ZNF611: variants seen among roughly 807,000 people sequenced by gnomAD.
ZNF611 encodes zinc finger protein 611.
In ZNF611, 6 loss-of-function variants were observed where a neutral mutation model predicts 8.9. The observed-to-expected ratio is 0.68, with a 90% CI of 0.37 to 1.34. The LOEUF (loss-of-function observed/expected upper bound fraction) is 1.34, where lower values mean the gene tolerates loss of function less well. ZNF611 is among the 40% of genes most tolerant of loss of function. The probability of loss-of-function intolerance (pLI) is 0.02; values close to 1 mark genes in which losing one functional copy is unlikely to be tolerated. For synonymous variants in ZNF611, 262 were observed against 279.7 expected, an observed-to-expected ratio of 0.94 and a Z score of 0.63; for missense variants, 874 against 841.3, an observed-to-expected ratio of 1.04 and a Z score of -0.48.
intron 3 of ZNF611, among the ~76,000 whole-genome samples, chr19:52,727,607 T>C (rs2062400804): frequency 6.6e-6 from 1 of 152,096 alleles, no homozygotes; most frequent in Admixed American, 6.5e-5. Flanking sequence ...AATTTTTCTG[T>C]ATTTTTAGTA....
chr19:52,726,341 TG>T lies in ZNF611; in HGVS notation c.-20+2388del, dbSNP rs570104714. On this transcript the variant is annotated intron_variant, in intron 3 of 5. Transcript: ENST00000652185. ...CTGAACCTGGGGGTCCAGGCCAGCC[TG>T]GGCGACAAAGTAACACCCCCTCCCG... is the stretch of plus-strand genomic sequence containing the variant. Among the ~76,000 whole-genome samples the T allele has an allele frequency of 2.8e-3, 426 of 152,344 alleles. 2 individuals carry two copies. The highest frequency in any genetic ancestry group is 9.8e-3 in the African/African-American group (406 of 41,590).
At chr19:52,720,171 T>C (rs1193988323) in intron 3 of ZNF611, among the ~76,000 whole-genome samples, 2 of 152,244 alleles carry the variant, frequency 1.3e-5, no homozygotes, top group African/African-American at 4.8e-5. Context: ...TCTACTTCTT[T>C]CTACACAGAC....
Position 52,705,092 on chromosome 19 carries a change from A to G in ZNF611, c.1963T>C (p.Cys655Arg). The G allele has an allele frequency of 6.2e-7, 1 of 1,614,190 alleles. No individual in the cohort carries two copies. Residue 655 changes from cysteine (C) to arginine (R), a missense_variant, in exon 6 of 6, where the codon TGT becomes CGT. Coordinates refer to ENST00000652185, the MANE Select transcript of ZNF611 (RefSeq NM_001161499.2). ...GAATTACGCACGAAAGCCTTGTCAC[A>G]AATTGTACATTTGTAAGATTTCTCT... Reference protein sequence around the residue: ...TGEKSYKCTICDKAFVRNSLL... With the variant: ...TGEKSYKCTIRDKAFVRNSLL...
chr19:52,711,467 G>T (rs2062279548), intron 5 of ZNF611, among the ~76,000 whole-genome samples: 1 of 152,156 alleles, frequency 6.6e-6, no homozygotes, highest in African/African-American at 2.4e-5. Flanking sequence ...GGTAAGTGAG[G>T]GACAAGACTT....
At chr19:52,709,187 A>G (rs145322084) in intron 5 of ZNF611, among the ~76,000 whole-genome samples, 2 of 152,138 alleles carry the variant, frequency 1.3e-5, no homozygotes, top group Non-Finnish European at 2.9e-5. Context: ...AGAGTTTTGT[A>G]ATGGGTGTTG....
Position 52,704,604 on chromosome 19 carries a change from G to T in ZNF611, c.*333C>A. 1 of 1,576,594 alleles carries T rather than the reference G, an allele frequency of 6.3e-7. No individual in the cohort carries two copies. Among genetic ancestry groups the T allele is most frequent in the South Asian group, 1.1e-5 (1 of 89,884 alleles). ...AAAATTTGCCACATTTATTACACTT[G>T]TAAGATCTCTCTTCATTATGGATTC... On this transcript the variant is annotated 3_prime_UTR_variant, in exon 6 of 6. Coordinates refer to ENST00000652185, the MANE Select transcript of ZNF611 (RefSeq NM_001161499.2).
At chr19:52,710,046 AT>A (rs1411090578) in intron 5 of ZNF611, among the ~76,000 whole-genome samples, 1 of 151,884 alleles carries the variant, frequency 6.6e-6, no homozygotes, top group Admixed American at 6.6e-5. Flanking sequence ...TGAGCAACAA[AT>A]TTCTATGTCT....
At position 52,715,916 on chromosome 19, in the gene ZNF611, G is replaced by A. The variant is rs751766900; in HGVS notation, c.-19-3C>T. ...ACATGAGTCTTTAGGAATCAATCCT[G>A]TATGTGAAAAAAAATGAGACTTCAT... On this transcript the variant is annotated splice_region_variant and splice_polypyrimidine_tract_variant and intron_variant, in intron 3 of 5. Coordinates refer to ENST00000652185, the MANE Select transcript of ZNF611 (RefSeq NM_001161499.2). 9.3e-6 allele frequency: 15 copies of A among 1,610,520 alleles called. No individual in the cohort carries two copies. Among genetic ancestry groups the A allele is most frequent in the Non-Finnish European group, 1.3e-5 (15 of 1,178,984 alleles).
intron 3 of ZNF611, among the ~76,000 whole-genome samples, chr19:52,727,978 C>T (rs2062403074): frequency 6.9e-6 from 1 of 145,364 alleles, no homozygotes; most frequent in Admixed American, 7.1e-5. Flanking sequence ...GGTGCAATCT[C>T]AGCTCACTGC....
chr19:52,716,627 C>T (rs2062319206), intron 3 of ZNF611, among the ~76,000 whole-genome samples: 1 of 152,038 alleles, frequency 6.6e-6, no homozygotes, highest in South Asian at 2.1e-4. Flanking sequence ...ATCTTGGGGC[C>T]CCAAATCACT....
intron 3 of ZNF611, among the ~76,000 whole-genome samples, chr19:52,720,587 C>T (rs9676674): frequency 0.074 from 3,543 of 48,068 alleles, 6 homozygotes; most frequent in African/African-American, 0.14. Flanking sequence ...ACTTCCCAGA[C>T]GGGGCAGCTG....
intron 3 of ZNF611, among the ~76,000 whole-genome samples, chr19:52,726,334 G>A (rs951668023): frequency 2.6e-5 from 4 of 152,064 alleles, no homozygotes; most frequent in African/African-American, 4.8e-5. Context: ...GGGGGTCCAG[G>A]CCAGCCTGGG....
At chr19:52,715,411 T>C (rs1334496241) in intron 4 of ZNF611, among the ~76,000 whole-genome samples, 2 of 152,232 alleles carry the variant, frequency 1.3e-5, no homozygotes, top group East Asian at 1.9e-4. Context: ...GCTGATACCA[T>C]GCCGGATACA....
At position 52,732,662 on chromosome 19, in the gene ZNF611, G is replaced by A. The variant is rs1229866390; in HGVS notation, c.-222+2339C>T. Among the ~76,000 whole-genome samples the A allele has an allele frequency of 3.3e-5, 5 of 151,522 alleles. No individual in the cohort carries two copies. The East Asian group carries it at 9.7e-4, about 29-fold the overall frequency. ...TTGAGGGCTAAGTAGGCCAGACACG[G>A]TGGCTCCTCCCTGTAATCCCACCCG... is the stretch of plus-strand genomic sequence containing the variant. On this transcript the variant is annotated intron_variant, in intron 1 of 5. Transcript: ENST00000652185.
chr19:52,731,959 A>C (rs1203772943), intron 1 of ZNF611, among the ~76,000 whole-genome samples: 1 of 150,586 alleles, frequency 6.6e-6, no homozygotes, highest in African/African-American at 2.4e-5. Flanking sequence ...CAACAAGAGC[A>C]AAATTCCCTC....
Position 52,734,754 on chromosome 19 carries a change from G to A in ZNF611, c.-222+247C>T, listed in dbSNP as rs1045496804. The stretch of plus-strand genomic sequence containing the variant: ...AGGAGTCAGAACAAGGTTTTCAGCA[G>A]GAAAACTACGCAACAGAAAGTGTAT... On this transcript the variant is annotated intron_variant, in intron 1 of 5. Transcript: ENST00000652185. Among the ~76,000 whole-genome samples the A allele has an allele frequency of 7.2e-5, 11 of 151,920 alleles. No homozygotes were observed. In the East Asian group the frequency reaches 2.2e-3, roughly 30 times the overall value.
chr19:52,714,878 C>T (rs367941975), intron 4 of ZNF611, among the ~76,000 whole-genome samples: 2 of 149,024 alleles, frequency 1.3e-5, no homozygotes, highest in East Asian at 4.0e-4. Flanking sequence ...CAGGCCTGTA[C>T]TCCCAGATAC....
At chr19:52,707,098 C>T (rs942302999) in intron 5 of ZNF611, among the ~76,000 whole-genome samples, 15 of 152,084 alleles carry the variant, frequency 9.9e-5, no homozygotes, top group Non-Finnish European at 2.9e-5. Context: ...ACTGACAGGG[C>T]ACAAACATGT....
At chr19:52,720,656 A>C (rs192584903) in intron 3 of ZNF611, among the ~76,000 whole-genome samples, 61 of 73,182 alleles carry the variant, frequency 8.3e-4, no homozygotes, top group East Asian at 7.4e-3. Flanking sequence ...TGCTCCTCAC[A>C]TCTCAGACGG....
Sources: allele counts gnomAD v4.1 joint callset (sites outside exome capture counted in the v4.1 genomes callset), GRCh38; gene constraint gnomAD v4.1.1; transcripts MANE v1.5; gene names NCBI Gene and HGNC (gene_info 2026-07-23, HGNC 2026-07-21).